The following RAP1GAP2 variants were observed in gnomAD, a reference collection of about 807,000 sequenced individuals.
The protein encoded by RAP1GAP2 is rap1 GTPase-activating protein 2.
RAP1GAP2 carries 27 observed loss-of-function variants against 95.0 expected under a neutral mutation model. That is an observed-to-expected ratio of 0.28 (90% confidence interval 0.21 to 0.39). The LOEUF is 0.39. Ranked by LOEUF, RAP1GAP2 falls within the 10% of genes least tolerant of loss-of-function variation. The pLI, the probability that RAP1GAP2 is intolerant of heterozygous loss-of-function variation, is 1.00. For synonymous variants in RAP1GAP2, 373 were observed against 380.9 expected (o/e 0.98, Z 0.24); for missense variants, 771 against 970.0 (o/e 0.79, Z 2.72).
intron 22 of RAP1GAP2, among the ~76,000 whole-genome samples, chr17:3,028,590 G>A (rs977247175): frequency 2.6e-5 from 4 of 152,140 alleles, no homozygotes; most frequent in Non-Finnish European, 4.4e-5. Flanking sequence ...GAACCTGCAG[G>A]GTCAGAGATG....
intron 8 of RAP1GAP2, among the ~76,000 whole-genome samples, chr17:2,976,572 T>A (rs1316541527): frequency 2.0e-5 from 3 of 151,918 alleles, no homozygotes; most frequent in Non-Finnish European, 4.4e-5. Context: ...TAGAGAGAGA[T>A]GTATAGTTCT....
At chr17:2,818,898 T>C (rs2070157737) in intron 2 of RAP1GAP2, among the ~76,000 whole-genome samples, 1 of 152,150 alleles carries the variant, frequency 6.6e-6, no homozygotes, top group Admixed American at 6.6e-5. Context: ...AAGGGTTGTT[T>C]TGGAGACTGA....
chr17:2,873,861 C>G (rs912205282), intron 2 of RAP1GAP2, among the ~76,000 whole-genome samples: 1 of 152,056 alleles, frequency 6.6e-6, no homozygotes, highest in African/African-American at 2.4e-5. Flanking sequence ...CTCCTGGGTA[C>G]AAGTGATTCT....
exon 1 of RAP1GAP2, chr17:2,777,222 G>A (rs2068524113): frequency 6.6e-6 from 1 of 152,546 alleles, no homozygotes. Context: ...GCGTGCGTGA[G>A]GTGTGCAGCC....
At chr17:2,937,797 A>G (rs1450265928) in intron 3 of RAP1GAP2, among the ~76,000 whole-genome samples, 1 of 152,114 alleles carries the variant, frequency 6.6e-6, no homozygotes, top group Non-Finnish European at 1.5e-5. Flanking sequence ...TGCTAGAGCT[A>G]TGCTCCTCTC....
chr17:2,927,197 A>G (rs1308027016), intron 3 of RAP1GAP2, among the ~76,000 whole-genome samples: 2 of 148,910 alleles, frequency 1.3e-5, no homozygotes, highest in Non-Finnish European at 3.0e-5. Context: ...TCTGTCACCC[A>G]GGCTGGAGTG....
At chr17:2,958,025 CCCAGCAGGG>C (rs2044184905) in intron 4 of RAP1GAP2, among the ~76,000 whole-genome samples, 1 of 152,076 alleles carries the variant, frequency 6.6e-6, no homozygotes. Flanking sequence ...GCAGAACTTC[CCCAGCAGGG>C]CAGCTGGGGA....
rs2046410653 is a variant in RAP1GAP2, at chr17:3,008,623, T to C, written c.1494+478T>C. ...GGAAGACCTGGCTGGGCAGGGGCCATGGAACTATAGGCAAGTCCCTTTGGA... is the reference window on the plus strand; with the variant it reads ...GGAAGACCTGGCTGGGCAGGGGCCACGGAACTATAGGCAAGTCCCTTTGGA... On this transcript the variant is annotated intron_variant, in intron 17 of 24. Transcript: ENST00000254695. This position sits in a 1 kb window ranked among gnomAD's most constrained non-coding sequence, Gnocchi z 4.2. Among the ~76,000 whole-genome samples, 1 of 152,094 alleles carries C rather than the reference T, an allele frequency of 6.6e-6. No homozygotes were observed. The highest frequency in any genetic ancestry group is 6.6e-5 in the Admixed American group (1 of 15,266).
At chr17:2,944,398 C>A (rs1038026334) in intron 3 of RAP1GAP2, among the ~76,000 whole-genome samples, 3 of 152,170 alleles carry the variant, frequency 2.0e-5, no homozygotes, top group African/African-American at 7.2e-5. Flanking sequence ...AAAGACTATT[C>A]TTTCCCTAGG....
chr17:3,021,992 A>T (rs2046978051), intron 19 of RAP1GAP2, among the ~76,000 whole-genome samples: 1 of 152,156 alleles, frequency 6.6e-6, no homozygotes, highest in Non-Finnish European at 1.5e-5. Flanking sequence ...TCTTTTGGAT[A>T]TATTTACCCT....
At chr17:2,985,160 C>T (rs950056946) in intron 11 of RAP1GAP2, 94 bp downstream of exon 11, 27 of 1,550,278 alleles carry the variant, frequency 1.7e-5, no homozygotes, top group Middle Eastern at 1.7e-4. Context: ...TCCTGACCTG[C>T]GTTCTGAAGC....
At chr17:2,868,388 T>G (rs1412688753) in intron 2 of RAP1GAP2, among the ~76,000 whole-genome samples, 1 of 152,206 alleles carries the variant, frequency 6.6e-6, no homozygotes, top group Non-Finnish European at 1.5e-5. Context: ...GGATATATGA[T>G]CTTGAACGTA....
chr17:2,816,163 G>T (rs1002195227), intron 2 of RAP1GAP2, among the ~76,000 whole-genome samples: 1 of 152,052 alleles, frequency 6.6e-6, no homozygotes, highest in Non-Finnish European at 1.5e-5. Flanking sequence ...GCCCGAGCCG[G>T]CTCCGGGGGC....
intron 2 of RAP1GAP2, among the ~76,000 whole-genome samples, chr17:2,882,702 G>A (rs2073352820): frequency 6.6e-6 from 1 of 152,232 alleles, no homozygotes; most frequent in African/African-American, 2.4e-5. Flanking sequence ...GGGTTGCTCA[G>A]TGCAGTGGCT....
At chr17:2,942,580 G>GCCGCCC (rs758805877) in intron 3 of RAP1GAP2, among the ~76,000 whole-genome samples, 3 of 151,938 alleles carry the variant, frequency 2.0e-5, no homozygotes, top group Non-Finnish European at 4.4e-5. Flanking sequence ...GTAAATAGTG[G>GCCGCCC]CCGCCCCCTT....
chr17:2,762,410 T>C (rs1597263916), intron 1 of RAP1GAP2, among the ~76,000 whole-genome samples: 1 of 148,842 alleles, frequency 6.7e-6, no homozygotes. Flanking sequence ...TTTTTTTTTT[T>C]TTTTTGAGAC....
At chr17:2,762,144 C>T (rs997474734) in intron 1 of RAP1GAP2, among the ~76,000 whole-genome samples, 9 of 151,462 alleles carry the variant, frequency 5.9e-5, no homozygotes, top group African/African-American at 1.5e-4. Flanking sequence ...CCCGCCACCA[C>T]GCCCAGCTAA....
chr17:2,941,983 G>A (rs753869110), intron 3 of RAP1GAP2, among the ~76,000 whole-genome samples: 2 of 152,208 alleles, frequency 1.3e-5, no homozygotes, highest in East Asian at 1.9e-4. Flanking sequence ...GCATCCAGCC[G>A]ACTCTCTGGG....
rs367645201 is a variant in RAP1GAP2 at position 2,760,813 on chromosome 17, T to G, written c.50+5046T>G. On this transcript the variant is annotated intron_variant, in intron 1 of 25. Transcript: ENST00000637138. ...CCTTGTTTTAGATGACCTTGACAGT[T>G]TTTGAGGAGTACTGCTCATATTTTG... Among the ~76,000 whole-genome samples the G allele has an allele frequency of 2.2e-3, 335 of 152,280 alleles. 1 individual carries two copies. The highest frequency in any genetic ancestry group is 7.4e-3 in the African/African-American group (309 of 41,562).
Sources: allele counts gnomAD v4.1 joint callset (sites outside exome capture counted in the v4.1 genomes callset), GRCh38; gene constraint gnomAD v4.1.1; non-coding constraint Gnocchi (gnomAD v3.1); transcripts MANE v1.5; gene names NCBI Gene and HGNC (gene_info 2026-07-23, HGNC 2026-07-21).